KIFC3: variants seen among roughly 807,000 people sequenced by gnomAD.
KIFC3 encodes kinesin-like protein KIFC3.
A neutral mutation model predicts 101.8 loss-of-function variants in KIFC3; 60 were observed. That is an observed-to-expected ratio of 0.59 (90% CI 0.48 to 0.73). The LOEUF is 0.73. Ranked by LOEUF, KIFC3 falls within the 30% of genes least tolerant of loss-of-function variation. The pLI is 0.00. For synonymous variants in KIFC3, 476 were observed against 482.7 expected (o/e 0.99, Z 0.18); for missense variants, 966 against 1,137.1 (o/e 0.85, Z 2.16).
chr16:57,758,822 T>G lies in KIFC3; in HGVS notation c.*112A>C. ...CTCTCGCCTCTACCTCCGGGGGTCCTGGCGCTGCAGCAGGGACAGGCCAGT... is the reference window on the plus strand; with the variant it reads ...CTCTCGCCTCTACCTCCGGGGGTCCGGGCGCTGCAGCAGGGACAGGCCAGT... On this transcript the variant is annotated 3_prime_UTR_variant, in exon 20 of 20. Coordinates refer to ENST00000445690, the MANE Select transcript of KIFC3 (RefSeq NM_001130100.2). The G allele has an allele frequency of 6.3e-7, 1 of 1,587,636 alleles. No homozygotes were observed. Among genetic ancestry groups the G allele is most frequent in the Non-Finnish European group, 8.6e-7 (1 of 1,159,572 alleles).
Position 57,769,786 on chromosome 16 carries a change from A to G in KIFC3, c.1087+22T>C, listed in dbSNP as rs781792918. The G allele has an allele frequency of 1.9e-6, 3 of 1,613,060 alleles. No homozygotes were observed. The South Asian group carries it at 3.3e-5, about 18-fold the overall frequency. ...TGAGGGGCCGCGGCGTGGGGCAGAC[A>G]GGGCCCAGCTGGTCAGCTCACCTGC... On this transcript the variant is annotated intron_variant, in intron 8 of 19. Coordinates refer to ENST00000445690, the MANE Select transcript of KIFC3 (RefSeq NM_001130100.2). This position sits in a 1 kb window ranked among gnomAD's most constrained non-coding sequence, Gnocchi z 4.3.
chr16:57,837,587 C>T (rs1175412561), intron 1 of KIFC3, among the ~76,000 whole-genome samples: 3 of 24,594 alleles, frequency 1.2e-4, no homozygotes, highest in Admixed American at 4.4e-4. Context: ...GAAAGAGTAG[C>T]AGTAAACATG....
At chr16:57,801,242 G>T (rs1598168577) in intron 1 of KIFC3, among the ~76,000 whole-genome samples, 1 of 152,210 alleles carries the variant, frequency 6.6e-6, no homozygotes, top group Admixed American at 6.5e-5. Flanking sequence ...AGACTGGGGG[G>T]ACAGGCTGGA....
rs1279257115 is a variant in KIFC3, at chr16:57,810,613, C to T, written c.109-12331G>A. On this transcript the variant is annotated intron_variant, in intron 1 of 2. Transcript: ENST00000563028. ...TCCAAGGGAGGGGAGGGACAAACTT[C>T]CATCCACCCCAGACAACCAGAATGT... is the stretch of plus-strand genomic sequence containing the variant. 4.4e-5 allele frequency: 43 copies of T among 979,696 alleles called. No individual in the cohort carries two copies. In the Middle Eastern group the frequency reaches 2.6e-3, roughly 60 times the overall value. 60.7% of individuals were successfully genotyped at this position (979,696 alleles called of 1,614,324 possible).
At chr16:57,770,839 A>T in intron 6 of KIFC3, 139 bp from the exon 7 acceptor site, 1 of 755,784 alleles carries the variant, frequency 1.3e-6, no homozygotes, top group Non-Finnish European at 2.0e-6. Flanking sequence ...AGGAGCCTTG[A>T]GGTCCTGGCT....
chr16:57,850,223 C>G (rs1311666040), intron 1 of KIFC3, among the ~76,000 whole-genome samples: 4 of 151,594 alleles, frequency 2.6e-5, no homozygotes, highest in African/African-American at 9.7e-5. Context: ...GGCAACATAG[C>G]GAGACCCTGT....
intron 2 of KIFC3, 152 bp from the exon 3 acceptor site, chr16:57,795,293 A>C: frequency 1.1e-6 from 1 of 878,698 alleles, no homozygotes; most frequent in Non-Finnish European, 1.7e-6. Flanking sequence ...CACCCAAAAA[A>C]CGCCTGCCCT....
chr16:57,769,530 G>T lies in KIFC3; in HGVS notation c.1218+65C>A. On this transcript the variant is annotated intron_variant, in intron 9 of 19. Coordinates refer to ENST00000445690, the MANE Select transcript of KIFC3 (RefSeq NM_001130100.2). This position sits in a 1 kb window ranked among gnomAD's most constrained non-coding sequence, Gnocchi z 4.3. ...TGAGCTTTGGAGGGACGCCCTGAGTGGATGTCGTGCCTCTCCCAGTGCACC... is the reference window on the plus strand; with the variant it reads ...TGAGCTTTGGAGGGACGCCCTGAGTTGATGTCGTGCCTCTCCCAGTGCACC... 1 of 1,546,130 alleles carries T rather than the reference G, an allele frequency of 6.5e-7. No individual in the cohort carries two copies. Among genetic ancestry groups the T allele is most frequent in the Non-Finnish European group, 8.7e-7 (1 of 1,146,870 alleles).
chr16:57,798,155 G>T lies in KIFC3; in HGVS notation c.89C>A (p.Pro30Gln), dbSNP rs781922158. 12 of 1,545,376 alleles carry T rather than the reference G, an allele frequency of 7.8e-6. No individual in the cohort carries two copies. Among genetic ancestry groups the T allele is most frequent in the Non-Finnish European group, 1.0e-5 (12 of 1,145,566 alleles). Reference sequence around the variant, plus strand: ...GGCTGGGGCGGGGCGAGCCATCCCCGGCTCGGGCTCCGGGGCCCGGCCCAC... The same window carrying T: ...GGCTGGGGCGGGGCGAGCCATCCCCTGCTCGGGCTCCGGGGCCCGGCCCAC... ...WRVGRAPEPE[P>Q]GMARPAPAPA... is the part of the protein sequence containing the mutation. The change falls in exon 2 of 20, where the codon CCG (proline) becomes CAG (glutamine). Residue 30 changes from proline (P) to glutamine (Q), a missense_variant. By Grantham distance (76) the Pro-to-Gln change is moderately conservative. This residue lies in a region of KIFC3 where 277 missense variants were observed against 252.5 expected (regional missense o/e 1.10). Transcript: ENST00000445690.
chr16:57,850,467 T>TG (rs1333444256), intron 1 of KIFC3, among the ~76,000 whole-genome samples: 1 of 71,978 alleles, frequency 1.4e-5, no homozygotes. Flanking sequence ...TAAAAAGGGT[T>TG]TTTTTTTTTT....
At chr16:57,829,115 A>G (rs2055522770) in intron 1 of KIFC3, among the ~76,000 whole-genome samples, 1 of 152,248 alleles carries the variant, frequency 6.6e-6, no homozygotes, top group Non-Finnish European at 1.5e-5. Flanking sequence ...ACTTAAAATC[A>G]GAAGGGGAAA....
intron 1 of KIFC3, among the ~76,000 whole-genome samples, chr16:57,839,478 T>C (rs1485704179): frequency 6.6e-6 from 1 of 151,990 alleles, no homozygotes; most frequent in Non-Finnish European, 1.5e-5. Flanking sequence ...AGGTGGAGGC[T>C]ACGGTGAGCC....
chr16:57,771,178 T>C lies in KIFC3; in HGVS notation c.765+20A>G, dbSNP rs2044149960. The C allele has an allele frequency of 6.2e-7, 1 of 1,610,036 alleles. No homozygotes were observed. The highest frequency in any genetic ancestry group is 1.3e-5 in the African/African-American group (1 of 74,872). On this transcript the variant is annotated intron_variant, in intron 6 of 19. Coordinates refer to ENST00000445690, the MANE Select transcript of KIFC3 (RefSeq NM_001130100.2). Reference sequence around the variant, plus strand: ...CAGGGGCCTTGGGCTGAGGCACAGATCAGGTGGGCCAGGGCTCACCTTGAC... The same window carrying C: ...CAGGGGCCTTGGGCTGAGGCACAGACCAGGTGGGCCAGGGCTCACCTTGAC...
At chr16:57,858,469 G>A (rs560259047) in intron 1 of KIFC3, among the ~76,000 whole-genome samples, 52 of 152,114 alleles carry the variant, frequency 3.4e-4, no homozygotes, top group African/African-American at 9.9e-4. Context: ...TATAAGGTCC[G>A]TGAACCATTT....
chr16:57,785,244 C>A (rs1310087593), intron 3 of KIFC3, among the ~76,000 whole-genome samples: 1 of 152,150 alleles, frequency 6.6e-6, no homozygotes, highest in African/African-American at 2.4e-5. Flanking sequence ...GGATGGGAGG[C>A]CTCTGCAAGC....
chr16:57,781,163 C>T (rs913330191), intron 3 of KIFC3, among the ~76,000 whole-genome samples: 1 of 152,080 alleles, frequency 6.6e-6, no homozygotes, highest in African/African-American at 2.4e-5. Flanking sequence ...ACAGAAAATA[C>T]AAAAGTGGGC....
At chr16:57,793,602 A>AG (rs1475162971) in intron 3 of KIFC3, among the ~76,000 whole-genome samples, 1 of 134,356 alleles carries the variant, frequency 7.4e-6, no homozygotes, top group African/African-American at 3.2e-5. Flanking sequence ...CAAAAAAAAA[A>AG]AACAAAAAAA....
At chr16:57,808,176 G>T (rs906911955), upstream of KIFC3, among the ~76,000 whole-genome samples, 3 of 151,828 alleles carry the variant, frequency 2.0e-5, no homozygotes, top group East Asian at 1.9e-4. Context: ...GCTTTGTGAG[G>T]TTTTTTTTCC....
Position 57,857,504 on chromosome 16 carries a change from G to A in KIFC3, c.108+5225C>T, listed in dbSNP as rs139684275. ...GGTGGTTTGCTGTACCCATCAACCC[G>A]TCATCTCCATTAGGTATTTCTCCTA... On this transcript the variant is annotated intron_variant, in intron 1 of 2. Coordinates refer to the KIFC3 transcript ENST00000563028. 1.0e-3 allele frequency among the ~76,000 whole-genome samples: 157 copies of A among 151,226 alleles called. 4 individuals carry two copies. In the East Asian group the frequency reaches 0.024, roughly 24 times the overall value.
Sources: gnomAD v4.1 joint callset for allele counts (sites outside exome capture counted in the v4.1 genomes callset) on GRCh38, gnomAD v4.1.1 for gene constraint, gnomAD v4.1.1 regional missense constraint, Gnocchi (gnomAD v3.1) non-coding constraint, MANE v1.5 for transcripts, NCBI Gene and HGNC (gene_info 2026-07-23, HGNC 2026-07-21) for gene names.